The following C19orf67 variants were observed in gnomAD, a reference collection of about 807,000 sequenced individuals.
C19orf67 encodes the protein chromosome 19 open reading frame 67.
Under a neutral mutation model 41.4 loss-of-function variants are expected in C19orf67, and 28 were observed. The ratio of observed to expected loss-of-function variants is 0.68; its 90% CI spans 0.50 to 0.93. The LOEUF is 0.93. Among genes scored for constraint, C19orf67 ranks in the 40% least tolerant of loss-of-function variants. C19orf67 has a pLI of 0.00. For missense variants in C19orf67, 421 were observed against 467.0 expected (o/e 0.90, Z 0.91); for synonymous variants, 242 against 203.4 (o/e 1.19, Z -1.62).
In C19orf67 at chr19:14,083,880, G is replaced by A. The variant is rs1976811377; in HGVS notation, c.336-3C>T. 3.0e-6 allele frequency: 4 copies of A among 1,319,536 alleles called. No homozygotes were observed. The highest frequency in any genetic ancestry group is 2.0e-4 in the Middle Eastern group (1 of 5,044). 81.7% of individuals were successfully genotyped at this position (1,319,536 alleles called of 1,614,324 possible). On this transcript the variant is annotated splice_region_variant and splice_polypyrimidine_tract_variant and intron_variant, in intron 1 of 5. Transcript: ENST00000548523. ...GCTCCTTCTGTACTTGGTCTCTGCT[G>A]AAGGAAGAAGGGGGCCTTTGCCTGG...
intron 1 of C19orf67, among the ~76,000 whole-genome samples, chr19:14,084,821 A>G (rs1976828784): frequency 6.6e-6 from 1 of 152,242 alleles, no homozygotes; most frequent in South Asian, 2.1e-4. Context: ...TGGGCGACAG[A>G]GTGAGACTCC....
rs1279282504 is a variant in C19orf67 at position 14,081,877 on chromosome 19, G to A, written c.1034C>T (p.Pro345Leu). 1 of 1,533,372 alleles carries A rather than the reference G, an allele frequency of 6.5e-7. No homozygotes were observed. The highest frequency in any genetic ancestry group is 1.4e-5 in the African/African-American group (1 of 72,926). The allele number at this position is 1,533,372 out of a possible 1,614,324, so 95.0% of individuals were successfully genotyped here. The part of the protein sequence containing the change: ...LTGQAGQARP[P>L]SAAGPAGWAA... ...CCACCCCGCAGGCCCGGCTGCGCTC[G>A]GAGGCCGGGCCTGGCCTGCCTGGCC... The change falls in exon 6 of 6, where the codon CCG becomes CTG. Residue 345 changes from proline to leucine, a missense_variant. Physicochemically the swap from Pro to Leu is moderately conservative, Grantham distance 98 (BLOSUM62 -3). Around this residue, in one of 3 missense-constraint regions of C19orf67, gnomAD observed 253 missense variants for 307.0 expected, o/e 0.82. Transcript: ENST00000548523.
chr19:14,082,659 G>A, intron 4 of C19orf67, 56 bp from the exon 5 acceptor site: 11 of 1,491,940 alleles, frequency 7.4e-6, no homozygotes, highest in Non-Finnish European at 8.9e-6. Context: ...TACTTCTGTT[G>A]AGGGCTTTAA....
intron 3 of C19orf67, 28 bp downstream of exon 3, chr19:14,083,477 C>A (rs1976802643): frequency 6.5e-7 from 1 of 1,532,930 alleles, no homozygotes. Flanking sequence ...CTCCTTCATC[C>A]CCCCATCTGA....
In C19orf67 at chr19:14,081,662, T is replaced by C; in HGVS notation, c.*172A>G. On this transcript the variant is annotated 3_prime_UTR_variant, in exon 6 of 6. Coordinates refer to ENST00000548523, the MANE Select transcript of C19orf67 (RefSeq NM_001277378.2). ...TTTTATTTAACACAAAACTGACGTG[T>C]CCGCATTCAGGGCCCCACGGCCAAG... is the stretch of plus-strand genomic sequence containing the variant. 2 of 488,888 alleles carry C rather than the reference T, an allele frequency of 4.1e-6. No individual in the cohort carries two copies. Among genetic ancestry groups the C allele is most frequent in the South Asian group, 3.5e-5 (1 of 28,456 alleles). 30.3% of individuals were successfully genotyped at this position (488,888 alleles called of 1,614,324 possible).
intron 1 of C19orf67, among the ~76,000 whole-genome samples, chr19:14,085,070 C>G (rs1273565803): frequency 6.6e-6 from 1 of 152,198 alleles, no homozygotes; most frequent in Admixed American, 6.5e-5. Context: ...CTTGACAACC[C>G]CAGGCCCACA....
Position 14,081,715 on chromosome 19 carries a change from G to A in C19orf67, c.*119C>T. ...GGACTCGGTGCAGACAGGTCAGCTC[G>A]GCCTGGCCCTTTGGAAGGCGAGGCC... On this transcript the variant is annotated 3_prime_UTR_variant, in exon 6 of 6. Coordinates refer to ENST00000548523, the MANE Select transcript of C19orf67 (RefSeq NM_001277378.2). The A allele has an allele frequency of 1.1e-6, 1 of 873,284 alleles. No homozygotes were observed. The allele number at this position is 873,284 out of a possible 1,614,324, so 54.1% of individuals were successfully genotyped here. A position where few individuals can be genotyped will look rare whatever the true frequency, so the allele number is the denominator to read the frequency against.
rs552281445 is a variant in C19orf67 at position 14,085,076 on chromosome 19, C to G, written c.335+217G>C. 9.8e-5 allele frequency among the ~76,000 whole-genome samples: 15 copies of G among 152,302 alleles called. No homozygotes were observed. The South Asian group carries it at 2.3e-3, about 23-fold the overall frequency. ...TCCTAGAGACTTGACAACCCCAGGC[C>G]CACACTGCCACGACAGTAATAGCAG... is the stretch of plus-strand genomic sequence containing the variant. On this transcript the variant is annotated intron_variant, in intron 1 of 5. Transcript: ENST00000548523.
rs934540740 is a variant in C19orf67, at chr19:14,085,408, G to C, written c.220C>G (p.Arg74Gly). Reference sequence around the variant, plus strand: ...AGGCGGGGAGGTGCTGGCCCAGGCCGGGGGACCAGAGGTTTGGGGGAAGAC... The same window carrying C: ...AGGCGGGGAGGTGCTGGCCCAGGCCCGGGGACCAGAGGTTTGGGGGAAGAC... Reference protein sequence around the residue: ...STSSPKPLVPRPGPAPPRLSL... With the variant: ...STSSPKPLVPGPGPAPPRLSL... The change falls in exon 1 of 6, where the codon CGG becomes GGG. Residue 74 changes from arginine (R) to glycine (G), a missense_variant. Physicochemically the swap from Arg to Gly is moderately radical, Grantham distance 125. Around this residue, in one of 3 missense-constraint regions of C19orf67, gnomAD observed 160 missense variants for 139.2 expected, o/e 1.15. Coordinates refer to ENST00000548523, the MANE Select transcript of C19orf67 (RefSeq NM_001277378.2). 6 of 1,535,994 alleles carry C rather than the reference G, an allele frequency of 3.9e-6. No homozygotes were observed. Among genetic ancestry groups the C allele is most frequent in the Non-Finnish European group, 5.2e-6 (6 of 1,146,852 alleles).
Position 14,082,600 on chromosome 19 carries a change from G to A in C19orf67, c.771C>T (p.Tyr257=), listed in dbSNP as rs1310764935. 1 of 1,535,964 alleles carries A rather than the reference G, an allele frequency of 6.5e-7. No individual in the cohort carries two copies. The highest frequency in any genetic ancestry group is 8.7e-7 in the Non-Finnish European group (1 of 1,146,660). ...GRGQDSLVDY[Y]FLCYRDTWED... ...CCCAAGTATCTCGATAGCACAGAAA[G>A]TAGCTAGGAGGGGAGGGAGCTGTAA... The change falls in exon 5 of 6, where the codon TAC becomes TAT. Residue 257 remains tyrosine, a synonymous_variant. Coordinates refer to ENST00000548523, the MANE Select transcript of C19orf67 (RefSeq NM_001277378.2).
rs927692151 is a variant in C19orf67, at chr19:14,081,927, G to A, written c.984C>T (p.Thr328=). ...CCGTGAGGATCTGCACCAGCAGGTC[G>A]GTGGCCAGCGTGGGCGTGGGCTCCT... The part of the protein sequence containing the change: ...GFEEPTPTLA[T]DLLVQILTGQ... The change falls in exon 6 of 6, where the codon ACC becomes ACT. Residue 328 remains threonine, a synonymous_variant. Coordinates refer to ENST00000548523, the MANE Select transcript of C19orf67 (RefSeq NM_001277378.2). 1 of 1,533,526 alleles carries A rather than the reference G, an allele frequency of 6.5e-7. No homozygotes were observed. The highest frequency in any genetic ancestry group is 1.4e-5 in the African/African-American group (1 of 72,898). The allele number at this position is 1,533,526 out of a possible 1,614,324, so 95.0% of individuals were successfully genotyped here. A position where few individuals can be genotyped will look rare whatever the true frequency, so the allele number is the denominator to read the frequency against.
Position 14,082,714 on chromosome 19 carries a change from C to T in C19orf67, c.768-111G>A, listed in dbSNP as rs1976787879. On this transcript the variant is annotated intron_variant, in intron 4 of 5. Transcript: ENST00000548523. ...ACTCATCAGAAGTTGCCCTGAAGTT[C>T]TCAGGTAGGAATGTGACTCCAAGGC... 15 of 1,018,794 alleles carry T rather than the reference C, an allele frequency of 1.5e-5. No individual in the cohort carries two copies. The Admixed American group carries it at 1.5e-4, about 10-fold the overall frequency. The allele number at this position is 1,018,794 out of a possible 1,614,324, so 63.1% of individuals were successfully genotyped here.
At chr19:14,084,352 T>C (rs1976819888) in intron 1 of C19orf67, among the ~76,000 whole-genome samples, 2 of 151,362 alleles carry the variant, frequency 1.3e-5, no homozygotes, top group Non-Finnish European at 1.5e-5. Flanking sequence ...ACTGCCCCAC[T>C]GCACTCCAGC....
Position 14,085,660 on chromosome 19 carries a change from T to G in C19orf67, c.-33A>C. ...CCGGGGGGCGGGAACCTGAGCTCTT[T>G]AAGCTTCCGCTGCTGCTCAGGTTGG... On this transcript the variant is annotated 5_prime_UTR_variant, in exon 1 of 6. Coordinates refer to ENST00000548523, the MANE Select transcript of C19orf67 (RefSeq NM_001277378.2). 6.9e-7 allele frequency: 1 copy of G among 1,447,674 alleles called. No individual in the cohort carries two copies. Among genetic ancestry groups the G allele is most frequent in the Non-Finnish European group, 9.3e-7 (1 of 1,069,660 alleles). The allele number at this position is 1,447,674 out of a possible 1,614,324, so 89.7% of individuals were successfully genotyped here.
At chr19:14,084,136 G>A (rs114917494) in intron 1 of C19orf67, among the ~76,000 whole-genome samples, 1,898 of 152,232 alleles carry the variant, frequency 0.012, 38 homozygotes, top group African/African-American at 0.042. Flanking sequence ...AGTGGCTCAC[G>A]CCTGCAATCC....
rs1194867805 is a variant in C19orf67, at chr19:14,082,549, A to C, written c.822T>G (p.Asn274Lys). The change falls in exon 5 of 6, where the codon AAT becomes AAG. Residue 274 changes from asparagine to lysine, a missense_variant. Coordinates refer to ENST00000548523, the MANE Select transcript of C19orf67 (RefSeq NM_001277378.2). The stretch of plus-strand genomic sequence containing the variant: ...ACAGCTTCTGGATCTGTGGGCACGA[A>C]TTGGCTGGACTCTGGCCTGTGTCTT... The part of the protein sequence containing the change: ...TWEDTGQSPA[N>K]SCPQIQKLWS... 2 of 1,536,378 alleles carry C rather than the reference A, an allele frequency of 1.3e-6. No homozygotes were observed. Among genetic ancestry groups the C allele is most frequent in the South Asian group, 2.4e-5 (2 of 84,054 alleles).
chr19:14,081,999 G>T lies in C19orf67; in HGVS notation c.912C>A (p.Cys304Ter). 1 of 1,471,116 alleles carries T rather than the reference G, an allele frequency of 6.8e-7. No homozygotes were observed. Among genetic ancestry groups the T allele is most frequent in the Non-Finnish European group, 9.1e-7 (1 of 1,098,570 alleles). 91.1% of individuals were successfully genotyped at this position (1,471,116 alleles called of 1,614,324 possible). ...GCTGGTAGTCCCCAAGCGGCTGCGG[G>T]CACAAAATCCTGGGGTGGGGGGGCC... Reference protein sequence around the residue: ...AEDDLYSWILCPQPLGDYQQL... With the variant: ...AEDDLYSWIL The change falls in exon 6 of 6, where the codon TGC (cysteine) becomes TGA (stop). Residue 304 changes from cysteine to a stop codon, truncating the protein, a stop_gained. Coordinates refer to ENST00000548523, the MANE Select transcript of C19orf67 (RefSeq NM_001277378.2). LOFTEE classifies it high-confidence loss of function.
Position 14,085,607 on chromosome 19 carries a change from G to A in C19orf67, c.21C>T (p.Phe7=), listed in dbSNP as rs1416542243. MATEQW[F]EGSLPLDPGE... ...CAGGGTCCAGGGGGAGCGACCCCTC[G>A]AACCACTGCTCTGTAGCCATGGTAG... The change falls in exon 1 of 6, where the codon TTC becomes TTT. Residue 7 remains phenylalanine (F), a synonymous_variant. Coordinates refer to ENST00000548523, the MANE Select transcript of C19orf67 (RefSeq NM_001277378.2). 1.3e-6 allele frequency: 2 copies of A among 1,534,386 alleles called. No individual in the cohort carries two copies. The highest frequency in any genetic ancestry group is 2.4e-5 in the East Asian group (1 of 40,912).
At chr19:14,082,648 C>T (rs1217760635) in intron 4 of C19orf67, 45 bp from the exon 5 acceptor site, 2 of 1,513,186 alleles carry the variant, frequency 1.3e-6, no homozygotes, top group East Asian at 5.0e-5. Flanking sequence ...AGCTTCCTAG[C>T]TACTTCTGTT....
Sources: gnomAD v4.1 joint callset for allele counts (sites outside exome capture counted in the v4.1 genomes callset) on GRCh38, gnomAD v4.1.1 for gene constraint, gnomAD v4.1.1 regional missense constraint, MANE v1.5 for transcripts, NCBI Gene and HGNC (gene_info 2026-07-23, HGNC 2026-07-21) for gene names.